The following SAMD12 variants were observed in gnomAD, a reference collection of about 807,000 sequenced individuals.
The protein encoded by SAMD12 is sterile alpha motif domain containing 12, also known as sterile alpha motif domain-containing protein 12.
Under a neutral mutation model 15.0 loss-of-function variants are expected in SAMD12, and 9 were observed. That is an observed-to-expected ratio of 0.60 (90% confidence interval 0.36 to 1.05). SAMD12 has a LOEUF of 1.05. SAMD12 is among the 50% of genes least tolerant of loss of function. The pLI, the probability that SAMD12 is intolerant of heterozygous loss-of-function variation, is 0.01. For missense variants in SAMD12, 230 were observed against 234.2 expected (o/e 0.98, Z 0.12); for synonymous variants, 86 against 90.1 (o/e 0.96, Z 0.25).
intron 2 of SAMD12, among the ~76,000 whole-genome samples, chr8:118,535,025 A>T (rs1277413992): frequency 6.7e-6 from 1 of 148,290 alleles, no homozygotes; most frequent in Non-Finnish European, 1.5e-5. Context: ...GAGAACAGAC[A>T]CTCTGATTTT....
At chr8:118,415,041 G>T (rs1586690182) in intron 3 of SAMD12, among the ~76,000 whole-genome samples, 1 of 152,156 alleles carries the variant, frequency 6.6e-6, no homozygotes, top group East Asian at 1.9e-4. Flanking sequence ...ATCAAAAGGA[G>T]AATTATCCCA....
intron 3 of SAMD12, among the ~76,000 whole-genome samples, chr8:118,434,205 A>G (rs1363642713): frequency 6.6e-6 from 1 of 152,222 alleles, no homozygotes; most frequent in Non-Finnish European, 1.5e-5. Flanking sequence ...AAAAAGGAAA[A>G]GAAGTACAAG....
chr8:118,601,285 T>A (rs1827860292), intron 1 of SAMD12, among the ~76,000 whole-genome samples: 1 of 152,186 alleles, frequency 6.6e-6, no homozygotes, highest in African/African-American at 2.4e-5. Flanking sequence ...TCTAATTGTA[T>A]CTTACTCTAG....
chr8:118,545,845 T>C (rs1209188011), intron 2 of SAMD12, among the ~76,000 whole-genome samples: 2 of 152,198 alleles, frequency 1.3e-5, no homozygotes, highest in Non-Finnish European at 2.9e-5. Flanking sequence ...GGTTAATCTG[T>C]GGTTACATGC....
chr8:118,335,193 T>C (rs992291466), intron 4 of SAMD12, among the ~76,000 whole-genome samples: 5 of 152,182 alleles, frequency 3.3e-5, no homozygotes, highest in Admixed American at 6.5e-5. Flanking sequence ...GGAGTACACA[T>C]GCAAGACCTC....
chr8:118,512,851 A>T (rs1014258964), intron 2 of SAMD12, among the ~76,000 whole-genome samples: 4 of 151,836 alleles, frequency 2.6e-5, no homozygotes, highest in Admixed American at 2.0e-4. Flanking sequence ...TTTAAGTATC[A>T]TTTTCTCTGT....
intron 2 of SAMD12, among the ~76,000 whole-genome samples, chr8:118,535,059 GTT>G (rs1825799945): frequency 2.6e-5 from 4 of 152,292 alleles, no homozygotes; most frequent in African/African-American, 9.6e-5. Context: ...TTTTTGCTCT[GTT>G]TTCTCTCCAT....
At chr8:118,428,005 A>G (rs1300986563) in intron 3 of SAMD12, among the ~76,000 whole-genome samples, 1 of 152,074 alleles carries the variant, frequency 6.6e-6, no homozygotes, top group Non-Finnish European at 1.5e-5. Flanking sequence ...TGTGATTTTT[A>G]TTTGGATTTT....
At chr8:118,390,285 G>A (rs1442032869) in intron 3 of SAMD12, among the ~76,000 whole-genome samples, 1 of 152,182 alleles carries the variant, frequency 6.6e-6, no homozygotes, top group Non-Finnish European at 1.5e-5. Context: ...TAGGATTACA[G>A]GCGTGAGCCA....
chr8:118,441,529 T>A (rs1386681270), intron 2 of SAMD12, among the ~76,000 whole-genome samples: 1 of 152,126 alleles, frequency 6.6e-6, no homozygotes, highest in Non-Finnish European at 1.5e-5. Context: ...ACAATGCTGA[T>A]CACTTTTTAT....
chr8:118,231,863 C>T (rs1812316398), intron 4 of SAMD12, among the ~76,000 whole-genome samples: 1 of 150,696 alleles, frequency 6.6e-6, no homozygotes, highest in Non-Finnish European at 1.5e-5. Context: ...GTGGTGTGAA[C>T]AACAGTGATG....
At chr8:118,564,938 A>G (rs961244575) in intron 2 of SAMD12, among the ~76,000 whole-genome samples, 1 of 152,176 alleles carries the variant, frequency 6.6e-6, no homozygotes, top group Non-Finnish European at 1.5e-5. Flanking sequence ...GAAGTTGGAA[A>G]TTGCACTGGG....
At chr8:118,447,704 A>ATGTT (rs1822957519) in intron 2 of SAMD12, among the ~76,000 whole-genome samples, 1 of 138,258 alleles carries the variant, frequency 7.2e-6, no homozygotes, top group Non-Finnish European at 1.5e-5. Flanking sequence ...TTTATTTTTA[A>ATGTT]TATTTATTTA....
intron 2 of SAMD12, among the ~76,000 whole-genome samples, chr8:118,532,794 T>G (rs867802104): frequency 3.5e-4 from 53 of 152,292 alleles, no homozygotes; most frequent in Admixed American, 7.2e-4. Flanking sequence ...ATCCCCTTTA[T>G]CATTTTTTAT....
the SAMD12 span, among the ~76,000 whole-genome samples, chr8:118,141,875 G>C: frequency 1.3e-5 from 2 of 152,202 alleles, no homozygotes; most frequent in African/African-American, 4.8e-5. Flanking sequence ...GGAAGGGCTA[G>C]GGTCCCACCT....
intron 4 of SAMD12, among the ~76,000 whole-genome samples, chr8:118,214,844 T>G (rs1276299861): frequency 6.6e-6 from 1 of 152,180 alleles, no homozygotes. Flanking sequence ...GAGGGTGCCT[T>G]AGAGCGCATG....
intron 2 of SAMD12, among the ~76,000 whole-genome samples, chr8:118,494,826 C>T (rs1198940815): frequency 6.6e-6 from 1 of 152,156 alleles, no homozygotes; most frequent in Non-Finnish European, 1.5e-5. Flanking sequence ...GAGTGCTCAG[C>T]ATAGTGTCCC....
At chr8:118,293,352 A>T (rs1814522009) in intron 4 of SAMD12, among the ~76,000 whole-genome samples, 1 of 152,226 alleles carries the variant, frequency 6.6e-6, no homozygotes, top group Non-Finnish European at 1.5e-5. Flanking sequence ...ATGATTCATG[A>T]TGACTGAAGG....
At chr8:118,242,170 C>T (rs1339857395) in intron 4 of SAMD12, among the ~76,000 whole-genome samples, 4 of 152,140 alleles carry the variant, frequency 2.6e-5, no homozygotes, top group African/African-American at 4.8e-5. Flanking sequence ...CCTCCTTGGC[C>T]TCCCAAAGTT....
Sources: allele counts gnomAD v4.1 joint callset (sites outside exome capture counted in the v4.1 genomes callset), GRCh38; gene constraint gnomAD v4.1.1; transcripts MANE v1.5; gene names NCBI Gene and HGNC (gene_info 2026-07-23, HGNC 2026-07-21).